PRKN: variants seen among roughly 807,000 people sequenced by gnomAD.
PRKN encodes the protein parkin RBR E3 ubiquitin protein ligase.
Under a neutral mutation model 59.5 loss-of-function variants are expected in PRKN, and 56 were observed. The observed-to-expected ratio is 0.94, with a 90% CI of 0.76 to 1.18. The LOEUF is 1.18. Ranked by LOEUF, PRKN falls within the 50% of genes most tolerant of loss-of-function variation. PRKN has a pLI of 0.00. For missense variants in PRKN, 657 were observed against 596.4 expected, an observed-to-expected ratio of 1.10 and a Z score of -1.06; for synonymous variants, 250 against 222.1, an observed-to-expected ratio of 1.13 and a Z score of -1.12.
At chr6:162,252,957 C>G (rs1048512242) in intron 3 of PRKN, among the ~76,000 whole-genome samples, 1 of 152,226 alleles carries the variant, frequency 6.6e-6, no homozygotes, top group African/African-American at 2.4e-5. Flanking sequence ...GTGCCCAGCA[C>G]TGTGTTAGGT....
chr6:162,177,694 A>G lies in PRKN; in HGVS notation c.534+23437T>C, dbSNP rs187358768. On this transcript the variant is annotated intron_variant, in intron 4 of 11. Coordinates refer to ENST00000366898, the MANE Select transcript of PRKN (RefSeq NM_004562.3). ...CACGTTCTCTTTGTGCCTTCCAACTACACCAAGAATACAACAAAGACGGCA... is the reference window on the plus strand; with the variant it reads ...CACGTTCTCTTTGTGCCTTCCAACTGCACCAAGAATACAACAAAGACGGCA... Among the ~76,000 whole-genome samples, 5 of 152,326 alleles carry G rather than the reference A, an allele frequency of 3.3e-5. No homozygotes were observed. The East Asian group carries it at 9.6e-4, about 29-fold the overall frequency.
At chr6:161,617,703 A>G (rs1303121326) in intron 7 of PRKN, among the ~76,000 whole-genome samples, 3 of 152,228 alleles carry the variant, frequency 2.0e-5, no homozygotes, top group African/African-American at 7.2e-5. Flanking sequence ...CTCATATCCA[A>G]CATAAGTGGA....
chr6:162,663,399 C>T (rs1247774213), intron 1 of PRKN, among the ~76,000 whole-genome samples: 4 of 146,232 alleles, frequency 2.7e-5, no homozygotes, highest in Admixed American at 2.1e-4. Context: ...CAGGAAGAAA[C>T]TGAACAGGAA....
chr6:162,010,459 TATA>T (rs1782471275), intron 5 of PRKN, among the ~76,000 whole-genome samples: 1 of 75,424 alleles, frequency 1.3e-5, no homozygotes, highest in South Asian at 4.1e-4. Context: ...ATAATGTATT[TATA>T]ATATATATTA....
intron 1 of PRKN, among the ~76,000 whole-genome samples, chr6:162,484,555 GAA>G (rs1792456482): frequency 6.6e-6 from 1 of 152,170 alleles, no homozygotes; most frequent in African/African-American, 2.4e-5. Flanking sequence ...GCAGGTGTAA[GAA>G]GACAAAAACA....
At chr6:162,101,772 A>G (rs1298691618) in intron 4 of PRKN, among the ~76,000 whole-genome samples, 2 of 152,174 alleles carry the variant, frequency 1.3e-5, no homozygotes, top group African/African-American at 2.4e-5. Context: ...ACTATGTGGT[A>G]TATATTTTAA....
chr6:162,081,974 C>T (rs1269245954), intron 4 of PRKN, among the ~76,000 whole-genome samples: 2 of 152,114 alleles, frequency 1.3e-5, no homozygotes, highest in African/African-American at 4.8e-5. Context: ...ATGAATCTAC[C>T]TCTGCCAGCT....
chr6:162,326,090 T>C (rs1048718939), intron 2 of PRKN, among the ~76,000 whole-genome samples: 2 of 152,122 alleles, frequency 1.3e-5, no homozygotes, highest in Non-Finnish European at 2.9e-5. Context: ...CACATTCTAA[T>C]CCTCTGAATG....
chr6:162,434,594 A>G (rs1472382294), intron 2 of PRKN, among the ~76,000 whole-genome samples: 2 of 152,204 alleles, frequency 1.3e-5, no homozygotes, highest in Non-Finnish European at 2.9e-5. Flanking sequence ...GGGCATCACT[A>G]AAGTTATACT....
intron 6 of PRKN, among the ~76,000 whole-genome samples, chr6:161,820,139 CAGAA>C (rs1426885986): frequency 6.6e-6 from 1 of 151,902 alleles, no homozygotes; most frequent in African/African-American, 2.4e-5. Flanking sequence ...ACTTTTTTAC[CAGAA>C]AGAGAGCATT....
chr6:161,548,927 C>T lies in PRKN; in HGVS notation c.1010G>A (p.Cys337Tyr), dbSNP rs756996581. The change falls in exon 9 of 12, where the codon TGT becomes TAT. Residue 337 changes from cysteine to tyrosine, a missense_variant. By Grantham distance (194) the Cys-to-Tyr change is radical. Transcript: ENST00000366898. This position sits in a 1 kb window ranked among gnomAD's most constrained non-coding sequence, Gnocchi z 4.2. ...AGGCTCCGGCAGCAGCCCCGCTCCA[C>T]AGCCAGGGCGGGGGCATAACACGCC... ...MGGVLCPRPG[C>Y]GAGLLPEPDQ... 1 of 1,614,036 alleles carries T rather than the reference C, an allele frequency of 6.2e-7. No individual in the cohort carries two copies. Among genetic ancestry groups the T allele is most frequent in the East Asian group, 2.2e-5 (1 of 44,878 alleles).
intron 4 of PRKN, among the ~76,000 whole-genome samples, chr6:162,120,137 C>A (rs563813009): frequency 1.3e-5 from 2 of 152,088 alleles, no homozygotes; most frequent in Admixed American, 6.5e-5. Flanking sequence ...CCCACATCGA[C>A]GAGTAACTGG....
intron 7 of PRKN, among the ~76,000 whole-genome samples, chr6:161,672,896 A>G (rs974878394): frequency 3.3e-5 from 5 of 152,154 alleles, no homozygotes; most frequent in African/African-American, 4.8e-5. Flanking sequence ...AATCATCCAA[A>G]ATTGAAATTA....
At chr6:161,750,703 G>C (rs1272916552) in intron 7 of PRKN, among the ~76,000 whole-genome samples, 1 of 149,890 alleles carries the variant, frequency 6.7e-6, no homozygotes, top group Non-Finnish European at 1.5e-5. Context: ...GGAGGCAGAG[G>C]TTGCAGTGAG....
intron 1 of PRKN, among the ~76,000 whole-genome samples, chr6:162,513,584 C>A (rs1389445779): frequency 6.6e-6 from 1 of 151,936 alleles, no homozygotes; most frequent in African/African-American, 2.4e-5. Context: ...ATACCATGGG[C>A]GGGAAGCCAA....
chr6:162,607,370 T>C (rs574047471), intron 1 of PRKN, among the ~76,000 whole-genome samples: 1 of 152,218 alleles, frequency 6.6e-6, no homozygotes, highest in East Asian at 1.9e-4. Context: ...GTGGCACTGG[T>C]AAACTTGGTA....
At chr6:162,690,468 C>T (rs1313149870) in intron 1 of PRKN, among the ~76,000 whole-genome samples, 3 of 152,112 alleles carry the variant, frequency 2.0e-5, no homozygotes, top group Non-Finnish European at 4.4e-5. Context: ...CAAGGGAAAG[C>T]GGTAGCTTTC....
intron 3 of PRKN, among the ~76,000 whole-genome samples, chr6:162,216,549 A>AC (rs1376940964): frequency 5.7e-4 from 86 of 150,430 alleles, no homozygotes; most frequent in African/African-American, 2.0e-3. Flanking sequence ...AAAAAAAAAA[A>AC]AAAAAAAAAA....
At chr6:162,553,177 G>C (rs1446561054) in intron 1 of PRKN, among the ~76,000 whole-genome samples, 3 of 152,070 alleles carry the variant, frequency 2.0e-5, no homozygotes, top group Non-Finnish European at 4.4e-5. Context: ...AAGGAGAGAG[G>C]GGACCAGCCA....
Sources: gnomAD v4.1 joint callset for allele counts (sites outside exome capture counted in the v4.1 genomes callset) on GRCh38, gnomAD v4.1.1 for gene constraint, Gnocchi (gnomAD v3.1) non-coding constraint, MANE v1.5 for transcripts, NCBI Gene and HGNC (gene_info 2026-07-23, HGNC 2026-07-21) for gene names.